Variants in RASSF3 observed in about 807,000 individuals in gnomAD.
RASSF3 encodes ras association domain-containing protein 3.
RASSF3 carries 19 observed loss-of-function variants against 19.9 expected under a neutral mutation model. That is an observed-to-expected ratio of 0.96 (90% CI 0.67 to 1.40). The LOEUF (loss-of-function observed/expected upper bound fraction) is 1.40. Among genes scored for constraint, RASSF3 ranks in the 40% most tolerant of loss-of-function variants. RASSF3 has a pLI of 0.00. For missense variants in RASSF3, 306 were observed against 289.8 expected (o/e 1.06, Z -0.41); for synonymous variants, 110 against 104.2 (o/e 1.06, Z -0.34).
intron 1 of RASSF3, among the ~76,000 whole-genome samples, chr12:64,683,209 A>AT (rs1399106216): frequency 6.6e-6 from 1 of 152,006 alleles, no homozygotes; most frequent in Middle Eastern, 3.4e-3. Flanking sequence ...TTGCTTCCAC[A>AT]TTTTTTTTCA....
chr12:64,674,655 A>G (rs1261286283), intron 1 of RASSF3, among the ~76,000 whole-genome samples: 1 of 152,184 alleles, frequency 6.6e-6, no homozygotes, highest in Non-Finnish European at 1.5e-5. Flanking sequence ...CAAGGCATAG[A>G]AGGTGTTGTG....
Position 64,695,138 on chromosome 12 carries a change from G to T in RASSF3, c.*226G>T. ...TTCAGCACCGCAGTGTTACCTCTTG[G>T]CAAGCTGTGAACCTGTCGCCTCATC... On this transcript the variant is annotated 3_prime_UTR_variant, in exon 5 of 5. Coordinates refer to ENST00000542104, the MANE Select transcript of RASSF3 (RefSeq NM_178169.4). 1 of 467,736 alleles carries T rather than the reference G, an allele frequency of 2.1e-6. No individual in the cohort carries two copies. The highest frequency in any genetic ancestry group is 3.4e-5 in the Admixed American group (1 of 29,418). The allele number at this position is 467,736 out of a possible 1,614,324, so 29.0% of individuals were successfully genotyped here. A position where few individuals can be genotyped will look rare whatever the true frequency, so the allele number is the denominator to read the frequency against.
intron 2 of RASSF3, among the ~76,000 whole-genome samples, chr12:64,565,974 G>A (rs1057034831): frequency 6.6e-6 from 1 of 152,148 alleles, no homozygotes; most frequent in Non-Finnish European, 1.5e-5. Flanking sequence ...GCCAAGGTGG[G>A]TGGATCACCT....
chr12:64,622,472 G>C, intron 1 of RASSF3: 1 of 531,144 alleles, frequency 1.9e-6, no homozygotes, highest in South Asian at 1.4e-5. Flanking sequence ...TAGGCTTACT[G>C]TCTTTTGTTG....
At chr12:64,567,740 C>T (rs534581794) in intron 2 of RASSF3, among the ~76,000 whole-genome samples, 1 of 152,338 alleles carries the variant, frequency 6.6e-6, no homozygotes, top group Admixed American at 6.5e-5. Context: ...TCTCACAAGT[C>T]GCACTGATGG....
At chr12:64,676,536 A>G (rs1264835569) in intron 1 of RASSF3, among the ~76,000 whole-genome samples, 1 of 136,438 alleles carries the variant, frequency 7.3e-6, no homozygotes, top group African/African-American at 2.8e-5. Context: ...CAGTGGCACA[A>G]TTTTGGCTCA....
In RASSF3 at chr12:64,696,743, A is replaced by C. The variant is rs565661851; in HGVS notation, c.*1831A>C. 1 of 152,194 alleles carries C rather than the reference A, an allele frequency of 6.6e-6. No homozygotes were observed. The allele number at this position is 152,194 out of a possible 1,614,324, so 9.4% of individuals were successfully genotyped here. ...ATCATATCTTCCTAAGCATTTAAGG[A>C]AAGTTGAAAAAAATAGAATTAGCTA... On this transcript the variant is annotated 3_prime_UTR_variant, in exon 5 of 5. Coordinates refer to ENST00000542104, the MANE Select transcript of RASSF3 (RefSeq NM_178169.4).
chr12:64,592,242 C>A (rs1006684331), intron 2 of RASSF3, among the ~76,000 whole-genome samples: 2 of 152,170 alleles, frequency 1.3e-5, no homozygotes, highest in African/African-American at 4.8e-5. Flanking sequence ...AAATAGCCAG[C>A]ATACTATGAA....
chr12:64,552,963 T>C (rs1236619206), intron 2 of RASSF3, among the ~76,000 whole-genome samples: 3 of 152,078 alleles, frequency 2.0e-5, no homozygotes, highest in East Asian at 3.9e-4. Context: ...ATAATCCCAG[T>C]ACTTTGGGAG....
chr12:64,545,906 T>C (rs1565836652), downstream of RASSF3, among the ~76,000 whole-genome samples: 1 of 151,890 alleles, frequency 6.6e-6, no homozygotes, highest in Non-Finnish European at 1.5e-5. Flanking sequence ...CCATCCTGGC[T>C]AACACAGTGA....
At chr12:64,570,913 T>G (rs1322364173) in intron 2 of RASSF3, among the ~76,000 whole-genome samples, 5 of 152,098 alleles carry the variant, frequency 3.3e-5, no homozygotes, top group Admixed American at 3.3e-4. Context: ...GCAAGCCAGA[T>G]TTTTGGATAA....
chr12:64,545,556 A>G (rs1869038525), downstream of RASSF3, among the ~76,000 whole-genome samples: 1 of 152,216 alleles, frequency 6.6e-6, no homozygotes, highest in Non-Finnish European at 1.5e-5. Context: ...GGGTTTATAA[A>G]GATCACGTGA....
chr12:64,688,293 T>C lies in RASSF3; in HGVS notation c.297T>C (p.Ser99=), dbSNP rs1230370618. ...LCKPPQTSPN[S]GKLSPSSNGC... is the part of the protein sequence containing the mutation. ...AACCTCCACAGACTTCTCCAAATTC[T>C]GGAAAACTCTCTCCCAGTAGCAATG... Residue 99 remains serine (S), a synonymous_variant, in exon 3 of 5, where the codon TCT becomes TCC. Coordinates refer to ENST00000542104, the MANE Select transcript of RASSF3 (RefSeq NM_178169.4). The C allele has an allele frequency of 6.2e-7, 1 of 1,614,158 alleles. No homozygotes were observed. Among genetic ancestry groups the C allele is most frequent in the Admixed American group, 1.7e-5 (1 of 60,018 alleles).
At chr12:64,677,840 C>T (rs12812333) in intron 1 of RASSF3, among the ~76,000 whole-genome samples, 27,331 of 152,142 alleles carry the variant, frequency 0.18, 3,140 homozygotes, top group South Asian at 0.31. Flanking sequence ...CCCTATTAGT[C>T]ATACTTTAAA....
At chr12:64,649,792 G>A (rs1298554766) in intron 1 of RASSF3, among the ~76,000 whole-genome samples, 1 of 152,218 alleles carries the variant, frequency 6.6e-6, no homozygotes, top group Non-Finnish European at 1.5e-5. Context: ...AAGCTCTTTG[G>A]TGAAATAAAC....
chr12:64,520,303 C>T (rs890004079), intron 1 of RASSF3, among the ~76,000 whole-genome samples: 2 of 151,616 alleles, frequency 1.3e-5, no homozygotes, highest in African/African-American at 4.8e-5. Context: ...GCTGGGACTA[C>T]AGGCACATGC....
upstream of RASSF3, among the ~76,000 whole-genome samples, chr12:64,533,003 A>G (rs1868746001): frequency 6.6e-6 from 1 of 152,194 alleles, no homozygotes; most frequent in Non-Finnish European, 1.5e-5. Context: ...TCCAATCAAC[A>G]CTGCCGTCTC....
At chr12:64,694,358 T>TGG (rs920513632) in intron 4 of RASSF3, among the ~76,000 whole-genome samples, 20 of 152,078 alleles carry the variant, frequency 1.3e-4, no homozygotes, top group African/African-American at 4.8e-4. Context: ...GAGAACTGTT[T>TGG]GGGGGTGATA....
At chr12:64,675,054 C>CA (rs1315176717) in intron 1 of RASSF3, among the ~76,000 whole-genome samples, 4 of 107,364 alleles carry the variant, frequency 3.7e-5, no homozygotes, top group South Asian at 3.8e-4. Context: ...AGCCCCCCCC[C>CA]CCCCCGCCAC....
Sources: allele counts gnomAD v4.1 joint callset (sites outside exome capture counted in the v4.1 genomes callset), GRCh38; gene constraint gnomAD v4.1.1; transcripts MANE v1.5; gene names NCBI Gene and HGNC (gene_info 2026-07-23, HGNC 2026-07-21).